The following TRIM64C variants were observed in gnomAD, a reference collection of about 807,000 sequenced individuals.
TRIM64C encodes tripartite motif-containing protein 64C.
TRIM64C carries 25 observed loss-of-function variants against 36.1 expected under a neutral mutation model. The observed-to-expected ratio is 0.69, with a 90% confidence interval of 0.51 to 0.97. The LOEUF is 0.97. Among genes scored for constraint, TRIM64C ranks in the 50% least tolerant of loss-of-function variants. The pLI, the probability that TRIM64C is intolerant of heterozygous loss-of-function variation, is 0.00. For synonymous variants in TRIM64C, 212 were observed against 185.7 expected, an observed-to-expected ratio of 1.14 and a Z score of -1.15; for missense variants, 489 against 536.8, an observed-to-expected ratio of 0.91 and a Z score of 0.88.
chr11:49,057,623 A>C, intron 2 of TRIM64C: 1 of 551,300 alleles, frequency 1.8e-6, no homozygotes, highest in South Asian at 2.1e-5. Context: ...CACAGTTCTT[A>C]CTGAGTCAAT....
Position 49,053,966 on chromosome 11 carries a change from A to G in TRIM64C, c.1101T>C (p.Asn367=). ...VCRDSRTADT[N]IVIDSDKTFF... ...ATGTTTTGTCAGAATCAATAACTATATTGGTATCTGCTGTCCTAGAATCTC... is the reference window on the plus strand; with the variant it reads ...ATGTTTTGTCAGAATCAATAACTATGTTGGTATCTGCTGTCCTAGAATCTC... Residue 367 remains asparagine (N), a synonymous_variant, in exon 6 of 6, where the codon AAT becomes AAC. Coordinates refer to ENST00000617704, the MANE Select transcript of TRIM64C (RefSeq NM_001206631.1). The G allele has an allele frequency of 5.2e-6, 8 of 1,551,582 alleles. No individual in the cohort carries two copies. Among genetic ancestry groups the G allele is most frequent in the Non-Finnish European group, 7.0e-6 (8 of 1,146,850 alleles).
chr11:49,058,136 A>AT lies in TRIM64C; in HGVS notation c.448dup (p.Ile150AsnfsTer14). On this transcript the variant is annotated frameshift_variant, in exon 2 of 6. Transcript: ENST00000617704. LOFTEE classifies it high-confidence loss of function. ...TAGATTGTTTTGTGTCTCTTGATTG[A>AT]TTTTCCATAAATAGTCCATTTCCTT... is the stretch of plus-strand genomic sequence containing the variant. 6.5e-7 allele frequency: 1 copy of AT among 1,530,090 alleles called. No homozygotes were observed. The highest frequency in any genetic ancestry group is 8.7e-7 in the Non-Finnish European group (1 of 1,144,730). The allele number at this position is 1,530,090 out of a possible 1,614,324, so 94.8% of individuals were successfully genotyped here.
At position 49,058,234 on chromosome 11, in the gene TRIM64C, TA is replaced by T. The variant is rs373220069; in HGVS notation, c.413-63del. On this transcript the variant is annotated intron_variant, in intron 1 of 5. Transcript: ENST00000617704. ...ACAGTAGATCTTATCCCTTTATCAA[TA>T]AAAAAAAGGCCGTAATTGAAAGAAA... is the stretch of plus-strand genomic sequence containing the variant. 927 of 1,125,566 alleles carry T rather than the reference TA, an allele frequency of 8.2e-4. 20 individuals carry two copies. Among genetic ancestry groups the T allele is most frequent in the African/African-American group, 8.2e-3 (503 of 61,454 alleles). 69.7% of individuals were successfully genotyped at this position (1,125,566 alleles called of 1,614,324 possible). A position where few individuals can be genotyped will look rare whatever the true frequency, so the allele number is the denominator to read the frequency against.
In TRIM64C at chr11:49,058,235, A is replaced by T. The variant is rs186835382; in HGVS notation, c.413-63T>A. 650 of 1,078,828 alleles carry T rather than the reference A, an allele frequency of 6.0e-4. 15 individuals carry two copies. The highest frequency in any genetic ancestry group is 5.8e-3 in the African/African-American group (344 of 59,782). 66.8% of individuals were successfully genotyped at this position (1,078,828 alleles called of 1,614,324 possible). On this transcript the variant is annotated intron_variant, in intron 1 of 5. Transcript: ENST00000617704. ...CAGTAGATCTTATCCCTTTATCAAT[A>T]AAAAAAAGGCCGTAATTGAAAGAAA...
At chr11:49,056,516 G>A (rs1854816009) in intron 3 of TRIM64C, 135 bp from the exon 4 acceptor site, 1 of 759,992 alleles carries the variant, frequency 1.3e-6, no homozygotes, top group African/African-American at 1.8e-5. Flanking sequence ...AATCATTCAA[G>A]GCTATGTTAA....
chr11:49,055,177 A>G, intron 5 of TRIM64C, 133 bp downstream of exon 5: 1 of 1,052,180 alleles, frequency 9.5e-7, no homozygotes, highest in Non-Finnish European at 1.4e-6. Flanking sequence ...CAGGTAGAGA[A>G]GATGCACATG....
Position 49,057,384 on chromosome 11 carries a change from G to T in TRIM64C, c.508-6C>A, listed in dbSNP as rs1260086601. 1.3e-6 allele frequency: 2 copies of T among 1,549,402 alleles called. No individual in the cohort carries two copies. The highest frequency in any genetic ancestry group is 4.9e-5 in the East Asian group (2 of 40,920). ...TTCCTTAATGACACATAGTCCTGCA[G>T]AGACGTTTGGTTAAAAGGATTACAT... On this transcript the variant is annotated splice_region_variant and splice_polypyrimidine_tract_variant and intron_variant, in intron 2 of 5. Transcript: ENST00000617704.
rs181519473 is a variant in TRIM64C at position 49,056,292 on chromosome 11, A to G, written c.761+67T>C. The G allele has an allele frequency of 3.2e-6, 4 of 1,245,084 alleles. No individual in the cohort carries two copies. The African/African-American group carries it at 6.2e-5, about 19-fold the overall frequency. The allele number at this position is 1,245,084 out of a possible 1,614,324, so 77.1% of individuals were successfully genotyped here. A position where few individuals can be genotyped will look rare whatever the true frequency, so the allele number is the denominator to read the frequency against. On this transcript the variant is annotated intron_variant, in intron 4 of 5. Coordinates refer to ENST00000617704, the MANE Select transcript of TRIM64C (RefSeq NM_001206631.1). ...AGAATGATGTTAGTACTCAAAATGTATACATCCCCTTCATTCACAAGAGAA... is the reference window on the plus strand; with the variant it reads ...AGAATGATGTTAGTACTCAAAATGTGTACATCCCCTTCATTCACAAGAGAA...
At position 49,055,338 on chromosome 11, in the gene TRIM64C, T is replaced by G. The variant is rs201355508; in HGVS notation, c.831A>C (p.Gly277=). Residue 277 remains glycine, a synonymous_variant, in exon 5 of 6, where the codon GGA becomes GGC. Transcript: ENST00000617704. ...NPELTSWCIT[G]VLDMLNNFRV... is the part of the protein sequence containing the mutation. ...TGAAGTTGTTGAGCATGTCTAGGAC[T>G]CCAGTTATGCACCATGAAGTGAGCT... is the stretch of plus-strand genomic sequence containing the variant. The G allele has an allele frequency of 1.2e-4, 182 of 1,535,806 alleles. No homozygotes were observed. The highest frequency in any genetic ancestry group is 1.5e-4 in the Non-Finnish European group (169 of 1,146,860).
intron 3 of TRIM64C, among the ~76,000 whole-genome samples, chr11:49,056,694 A>G (rs1475370646): frequency 2.0e-5 from 3 of 151,876 alleles, no homozygotes; most frequent in Non-Finnish European, 1.5e-5. Flanking sequence ...AACTATTAAA[A>G]CAAAACAGAG....
At chr11:49,058,634 A>T (rs1854842752) in intron 1 of TRIM64C, 67 bp downstream of exon 1, 1 of 1,529,558 alleles carries the variant, frequency 6.5e-7, no homozygotes, top group Admixed American at 2.0e-5. Flanking sequence ...CATCACCATC[A>T]TTATCACAGG....
At position 49,055,361 on chromosome 11, in the gene TRIM64C, G is replaced by T; in HGVS notation, c.808C>A (p.Leu270Ile). 2.0e-6 allele frequency: 3 copies of T among 1,535,690 alleles called. No homozygotes were observed. Among genetic ancestry groups the T allele is most frequent in the Non-Finnish European group, 2.6e-6 (3 of 1,146,836 alleles). Residue 270 changes from leucine to isoleucine, a missense_variant, in exon 5 of 6, where the codon CTC becomes ATC. Physicochemically the swap from Leu to Ile is conservative, Grantham distance 5. Coordinates refer to ENST00000617704, the MANE Select transcript of TRIM64C (RefSeq NM_001206631.1). ...ACTCCAGTTATGCACCATGAAGTGA[G>T]CTCTGGGTTCACTGGCTGGGGCTTT... ...MPKPQPVNPE[L>I]TSWCITGVLD...
intron 4 of TRIM64C, 52 bp downstream of exon 4, chr11:49,056,307 T>G (rs1854813206): frequency 7.0e-7 from 1 of 1,430,500 alleles, no homozygotes; most frequent in South Asian, 1.2e-5. Flanking sequence ...TCCCCTTCAT[T>G]CACAAGAGAA....
At chr11:49,056,318 C>T (rs773794039) in intron 4 of TRIM64C, 41 bp downstream of exon 4, 3 of 1,459,528 alleles carry the variant, frequency 2.1e-6, no homozygotes, top group Non-Finnish European at 1.8e-6. Flanking sequence ...CACAAGAGAA[C>T]AAATTTTTCA....
intron 5 of TRIM64C, among the ~76,000 whole-genome samples, chr11:49,054,917 T>A (rs964555653): frequency 3.9e-4 from 60 of 152,254 alleles, no homozygotes; most frequent in Non-Finnish European, 6.3e-4. Context: ...AAATTACTTA[T>A]AGAATGTATG....
chr11:49,057,811 C>G, intron 2 of TRIM64C: 1 of 518,966 alleles, frequency 1.9e-6, no homozygotes, highest in Non-Finnish European at 3.6e-6. Flanking sequence ...GAAAGGTTGT[C>G]TCATCTGCAG....
rs1243181415 is a variant in TRIM64C, at chr11:49,057,130, T to A, written c.738+18A>T. The A allele has an allele frequency of 6.5e-7, 1 of 1,548,520 alleles. No homozygotes were observed. Among genetic ancestry groups the A allele is most frequent in the Non-Finnish European group, 8.7e-7 (1 of 1,146,268 alleles). On this transcript the variant is annotated intron_variant, in intron 3 of 5. Transcript: ENST00000617704. Reference sequence around the variant, plus strand: ...AGCAAAGGCTTCCTGTCTCTGAGGATGGACCCTCCCTCCTCACCTGGAGCA... The same window carrying A: ...AGCAAAGGCTTCCTGTCTCTGAGGAAGGACCCTCCCTCCTCACCTGGAGCA...
chr11:49,054,495 T>C (rs1854790590), intron 5 of TRIM64C, among the ~76,000 whole-genome samples: 4 of 152,246 alleles, frequency 2.6e-5, no homozygotes, highest in Admixed American at 2.6e-4. Context: ...CTAAAATGTT[T>C]TTTTTCTTCA....
At position 49,054,223 on chromosome 11, in the gene TRIM64C, T is replaced by C; in HGVS notation, c.860-16A>G. 2 of 1,548,716 alleles carry C rather than the reference T, an allele frequency of 1.3e-6. No individual in the cohort carries two copies. The highest frequency in any genetic ancestry group is 1.2e-5 in the South Asian group (1 of 83,304). On this transcript the variant is annotated splice_polypyrimidine_tract_variant and intron_variant, in intron 5 of 5. Transcript: ENST00000617704. The stretch of plus-strand genomic sequence containing the variant: ...GCATTATCCACTGACAAGGAAAAAA[T>C]ATTATATTAGTGAGTGCTATGAGGG...
Sources: allele counts gnomAD v4.1 joint callset (sites outside exome capture counted in the v4.1 genomes callset), GRCh38; gene constraint gnomAD v4.1.1; transcripts MANE v1.5; gene names NCBI Gene and HGNC (gene_info 2026-07-23, HGNC 2026-07-21).